GALNT13: variants seen among roughly 807,000 people sequenced by gnomAD.
GALNT13 encodes the protein UDP-GalNAc:polypeptide N-acetylgalactosaminyltransferase 13.
In GALNT13, 28 loss-of-function variants were observed where a neutral mutation model predicts 64.2. The ratio of observed to expected loss-of-function variants is 0.44; its 90% CI spans 0.32 to 0.60. The LOEUF (loss-of-function observed/expected upper bound fraction) is 0.60, where lower values mean the gene tolerates loss of function less well. Ranked by LOEUF, GALNT13 falls within the 20% of genes least tolerant of loss-of-function variation. The pLI, the probability that GALNT13 is intolerant of heterozygous loss-of-function variation, is 0.05. For missense variants in GALNT13, 577 were observed against 669.8 expected (o/e 0.86, Z 1.53); for synonymous variants, 214 against 224.6 (o/e 0.95, Z 0.42).
chr2:154,166,177 G>A lies in GALNT13; in HGVS notation c.311+25672G>A, dbSNP rs143047310. On this transcript the variant is annotated intron_variant, in intron 4 of 12. Coordinates refer to ENST00000392825, the MANE Select transcript of GALNT13 (RefSeq NM_052917.4). Reference sequence around the variant, plus strand: ...CTTAGCACTTTGGGAGGCTGAGGCGGGTGGATCACCTGAGTTCGGGAGTTT... The same window carrying A: ...CTTAGCACTTTGGGAGGCTGAGGCGAGTGGATCACCTGAGTTCGGGAGTTT... 7.6e-3 allele frequency among the ~76,000 whole-genome samples: 1,157 copies of A among 152,308 alleles called. 14 individuals are homozygous for A. Among genetic ancestry groups the A allele is most frequent in the African/African-American group, 0.026 (1,097 of 41,562 alleles).
At chr2:153,774,540 C>T in the GALNT13 span, among the ~76,000 whole-genome samples, 3 of 152,090 alleles carry the variant, frequency 2.0e-5, no homozygotes, top group Admixed American at 1.3e-4. Context: ...TTATACTTCC[C>T]TATAATCCCT....
the GALNT13 span, among the ~76,000 whole-genome samples, chr2:153,814,457 G>A: frequency 1.8e-4 from 13 of 72,880 alleles, no homozygotes; most frequent in African/African-American, 2.6e-4. Context: ...AAATAAGTAA[G>A]TAAGTAAGTA....
intron 3 of GALNT13, among the ~76,000 whole-genome samples, chr2:154,003,217 T>C (rs1438941715): frequency 1.3e-5 from 2 of 152,146 alleles, no homozygotes; most frequent in Non-Finnish European, 2.9e-5. Context: ...CCCCACATCA[T>C]TGAGCCCTGT....
At chr2:154,050,191 AT>A (rs1699510333) in intron 3 of GALNT13, among the ~76,000 whole-genome samples, 1 of 152,110 alleles carries the variant, frequency 6.6e-6, no homozygotes, top group East Asian at 1.9e-4. Flanking sequence ...CCTTTGTATA[AT>A]TTTTTTCATA....
the GALNT13 span, among the ~76,000 whole-genome samples, chr2:153,301,632 C>G: frequency 6.6e-6 from 1 of 152,060 alleles, no homozygotes; most frequent in Non-Finnish European, 1.5e-5. Flanking sequence ...AACAGTAGAT[C>G]TCTTGAACTT....
At chr2:153,441,682 C>T in the GALNT13 span, among the ~76,000 whole-genome samples, 1 of 152,044 alleles carries the variant, frequency 6.6e-6, no homozygotes, top group Non-Finnish European at 1.5e-5. Flanking sequence ...AAGTAGTATT[C>T]CTAGGTATTT....
chr2:154,407,821 G>A (rs1250245554), intron 10 of GALNT13, among the ~76,000 whole-genome samples: 3 of 151,886 alleles, frequency 2.0e-5, no homozygotes, highest in East Asian at 1.9e-4. Flanking sequence ...TTATTGATGG[G>A]GGCCTTAATG....
chr2:154,400,989 T>G (rs1415142113), intron 10 of GALNT13, among the ~76,000 whole-genome samples: 1 of 152,098 alleles, frequency 6.6e-6, no homozygotes, highest in Non-Finnish European at 1.5e-5. Context: ...ATGAAGGAGA[T>G]GAGGATTTCA....
the GALNT13 span, among the ~76,000 whole-genome samples, chr2:153,262,385 C>A: frequency 6.6e-6 from 1 of 152,158 alleles, no homozygotes; most frequent in Non-Finnish European, 1.5e-5. Flanking sequence ...GGAGGTGGTA[C>A]CATTTCTTCT....
chr2:153,572,546 A>G, the GALNT13 span, among the ~76,000 whole-genome samples: 1 of 151,320 alleles, frequency 6.6e-6, no homozygotes, highest in Non-Finnish European at 1.5e-5. Context: ...TGTTTATTTA[A>G]AGTTTCTCCC....
At chr2:153,994,787 T>A (rs1695407317) in intron 3 of GALNT13, among the ~76,000 whole-genome samples, 1 of 152,126 alleles carries the variant, frequency 6.6e-6, no homozygotes, top group Admixed American at 6.5e-5. Flanking sequence ...CTTGTAAATT[T>A]GTTTGAGTTC....
At chr2:154,175,878 G>A (rs1396397976) in intron 4 of GALNT13, among the ~76,000 whole-genome samples, 1 of 152,114 alleles carries the variant, frequency 6.6e-6, no homozygotes, top group Non-Finnish European at 1.5e-5. Context: ...TAAAGTACCA[G>A]TTATTGCAGT....
At chr2:153,938,163 AG>A (rs1691082715) in intron 2 of GALNT13, among the ~76,000 whole-genome samples, 1 of 152,156 alleles carries the variant, frequency 6.6e-6, no homozygotes, top group Non-Finnish European at 1.5e-5. Context: ...TGAATATGTG[AG>A]GGTAGAGGGT....
At chr2:154,446,382 C>G in intron 12 of GALNT13, 1 of 423,956 alleles carries the variant, frequency 2.4e-6, no homozygotes, top group Non-Finnish European at 4.1e-6. Flanking sequence ...TTCATTTACT[C>G]CTTCCTTATA....
At chr2:153,532,530 TCTTTA>T in the GALNT13 span, among the ~76,000 whole-genome samples, 1 of 152,198 alleles carries the variant, frequency 6.6e-6, no homozygotes, top group Non-Finnish European at 1.5e-5. Context: ...AATTGTTTCC[TCTTTA>T]CTTATGCAAA....
the GALNT13 span, among the ~76,000 whole-genome samples, chr2:153,532,428 C>T: frequency 1.3e-5 from 2 of 152,162 alleles, no homozygotes; most frequent in African/African-American, 2.4e-5. Flanking sequence ...TCATGCTTCT[C>T]TCATACGCCT....
chr2:153,944,427 C>T lies in GALNT13; in HGVS notation c.-71C>T, dbSNP rs1691562888. On this transcript the variant is annotated 5_prime_UTR_variant, in exon 3 of 13. Transcript: ENST00000392825. ...ATCCTGCTTTCATCTTGGAGTTCAC[C>T]TGTGTGGCTTGGATTTATCACAGTA... The T allele has an allele frequency of 5.0e-6, 7 of 1,407,134 alleles. No individual in the cohort carries two copies. The Admixed American group carries it at 9.2e-5, about 18-fold the overall frequency. The allele number at this position is 1,407,134 out of a possible 1,614,324, so 87.2% of individuals were successfully genotyped here.
chr2:153,898,856 C>CAAAAA (rs35168611), intron 1 of GALNT13, among the ~76,000 whole-genome samples: 1 of 99,360 alleles, frequency 1.0e-5, no homozygotes, highest in African/African-American at 3.7e-5. Context: ...AGTTGCACAG[C>CAAAAA]AAAAAAAAAA....
chr2:153,870,944 A>T (rs1363047828), upstream of GALNT13, among the ~76,000 whole-genome samples: 1 of 152,086 alleles, frequency 6.6e-6, no homozygotes, highest in Non-Finnish European at 1.5e-5. Context: ...AGCCACAGTG[A>T]ATAAATTGCC....
Sources: allele counts gnomAD v4.1 joint callset (sites outside exome capture counted in the v4.1 genomes callset), GRCh38; gene constraint gnomAD v4.1.1; transcripts MANE v1.5; gene names NCBI Gene and HGNC (gene_info 2026-07-23, HGNC 2026-07-21).